XRCC4: variants seen among roughly 807,000 people sequenced by gnomAD.
XRCC4 encodes the protein X-ray repair cross complementing 4.
XRCC4 carries 28 observed loss-of-function variants against 39.1 expected under a neutral mutation model. The ratio of observed to expected loss-of-function variants is 0.72; its 90% CI spans 0.53 to 0.98. The LOEUF (loss-of-function observed/expected upper bound fraction) is 0.98. XRCC4 is among the 50% of genes least tolerant of loss of function. XRCC4 has a pLI of 0.00. For synonymous variants in XRCC4, 123 were observed against 126.4 expected, an observed-to-expected ratio of 0.97 and a Z score of 0.18; for missense variants, 350 against 376.4, an observed-to-expected ratio of 0.93 and a Z score of 0.58.
At chr5:83,326,465 A>C (rs867543828) in intron 7 of XRCC4, among the ~76,000 whole-genome samples, 1 of 152,036 alleles carries the variant, frequency 6.6e-6, no homozygotes, top group Admixed American at 6.6e-5. Context: ...TGATGTCCCT[A>C]ATTTTTTAAC....
At chr5:83,220,124 G>T (rs955637834) in intron 6 of XRCC4, among the ~76,000 whole-genome samples, 2 of 151,964 alleles carry the variant, frequency 1.3e-5, no homozygotes, top group African/African-American at 4.8e-5. Context: ...AAAGGCAAAA[G>T]GTATTGTACT....
chr5:83,165,386 A>G (rs1273094965), intron 3 of XRCC4, among the ~76,000 whole-genome samples: 1 of 152,212 alleles, frequency 6.6e-6, no homozygotes, highest in Non-Finnish European at 1.5e-5. Flanking sequence ...AGAGAATTTT[A>G]TATCTGACTG....
the XRCC4 span, among the ~76,000 whole-genome samples, chr5:83,363,400 T>C: frequency 1.3e-5 from 2 of 152,222 alleles, no homozygotes; most frequent in Admixed American, 1.3e-4. Flanking sequence ...TAAGCATCTG[T>C]GAAAGGATCT....
At chr5:83,321,981 T>A (rs1166828233) in intron 7 of XRCC4, among the ~76,000 whole-genome samples, 1 of 150,328 alleles carries the variant, frequency 6.7e-6, no homozygotes, top group Non-Finnish European at 1.5e-5. Context: ...ATCTAGTATG[T>A]ATCATTTAAA....
intron 3 of XRCC4, among the ~76,000 whole-genome samples, chr5:83,140,018 T>C (rs929103657): frequency 2.6e-5 from 4 of 152,230 alleles, no homozygotes; most frequent in Admixed American, 6.5e-5. Flanking sequence ...TAACTTTCTC[T>C]GACAGTGAAA....
chr5:83,264,905 G>T (rs537681862), intron 7 of XRCC4, among the ~76,000 whole-genome samples: 134 of 152,138 alleles, frequency 8.8e-4, no homozygotes, highest in Non-Finnish European at 1.5e-3. Context: ...TGTATGTTTT[G>T]CCAGAATTTC....
At chr5:83,209,446 A>G (rs1387335664) in intron 6 of XRCC4, among the ~76,000 whole-genome samples, 1 of 152,142 alleles carries the variant, frequency 6.6e-6, no homozygotes, top group East Asian at 1.9e-4. Flanking sequence ...TCATGCTGTG[A>G]TAACAGAATT....
chr5:83,094,762 C>T (rs1377012540), intron 1 of XRCC4, among the ~76,000 whole-genome samples: 1 of 151,806 alleles, frequency 6.6e-6, no homozygotes, highest in Non-Finnish European at 1.5e-5. Flanking sequence ...CATAGTTCAC[C>T]ATAGCTTTGA....
intron 7 of XRCC4, among the ~76,000 whole-genome samples, chr5:83,264,836 A>G (rs1753898594): frequency 6.6e-6 from 1 of 152,166 alleles, no homozygotes; most frequent in Admixed American, 6.5e-5. Context: ...GAGATATGTA[A>G]TACTTTATAT....
intron 1 of XRCC4, among the ~76,000 whole-genome samples, chr5:83,078,222 C>T (rs1011386958): frequency 6.6e-6 from 1 of 152,174 alleles, no homozygotes; most frequent in African/African-American, 2.4e-5. Context: ...TTTTAATTAT[C>T]CCATTAGGTG....
chr5:83,111,035 A>G lies in XRCC4; in HGVS notation c.147A>G (p.Glu49=). ...GHSAWTGTVS[E]SEISQEADDM... ...TGTTAATATTTCCCATAGTTTCTGA[A>G]TCAGAGATTTCCCAAGAAGCTGATG... Residue 49 remains glutamate, a synonymous_variant, in exon 3 of 8, where the codon GAA becomes GAG. Transcript: ENST00000396027. The G allele has an allele frequency of 6.2e-7, 1 of 1,605,618 alleles. No homozygotes were observed. Among genetic ancestry groups the G allele is most frequent in the Admixed American group, 1.7e-5 (1 of 57,886 alleles).
rs889624593 is a variant in XRCC4, at chr5:83,289,297, A to G, written c.893+30620A>G. Among the ~76,000 whole-genome samples, 6 of 151,868 alleles carry G rather than the reference A, an allele frequency of 4.0e-5. No individual in the cohort carries two copies. In the South Asian group the frequency reaches 1.0e-3, roughly 26 times the overall value. On this transcript the variant is annotated intron_variant, in intron 7 of 7. Coordinates refer to ENST00000396027, the MANE Select transcript of XRCC4 (RefSeq NM_003401.5). Reference sequence around the variant, plus strand: ...TGATGCTTGTTTCTACTATTAAACTATGTTTTATTCCTTGCTTTCTGGAAT... The same window carrying G: ...TGATGCTTGTTTCTACTATTAAACTGTGTTTTATTCCTTGCTTTCTGGAAT...
At chr5:83,306,015 T>C (rs1469926084) in intron 7 of XRCC4, among the ~76,000 whole-genome samples, 1 of 152,192 alleles carries the variant, frequency 6.6e-6, no homozygotes, top group East Asian at 1.9e-4. Flanking sequence ...TAAGGATATA[T>C]TTTGCAATAG....
intron 6 of XRCC4, among the ~76,000 whole-genome samples, chr5:83,258,290 A>T (rs539978765): frequency 6.6e-6 from 1 of 152,306 alleles, no homozygotes; most frequent in South Asian, 2.1e-4. Context: ...TTCACCCAGC[A>T]TCAAAGATCA....
chr5:83,181,328 A>G (rs1750197647), intron 3 of XRCC4, among the ~76,000 whole-genome samples: 1 of 152,132 alleles, frequency 6.6e-6, no homozygotes, highest in African/African-American at 2.4e-5. Flanking sequence ...TATATAGTGA[A>G]CATTTCCTTT....
At chr5:83,204,386 T>G (rs528540393) in intron 5 of XRCC4, among the ~76,000 whole-genome samples, 23 of 152,180 alleles carry the variant, frequency 1.5e-4, no homozygotes, top group African/African-American at 5.5e-4. Flanking sequence ...ACCTATTAGT[T>G]TATAGCTTTG....
At position 83,190,544 on chromosome 5, in the gene XRCC4, A is replaced by G. The variant is rs550618511; in HGVS notation, c.316-5226A>G. Among the ~76,000 whole-genome samples the G allele has an allele frequency of 3.9e-5, 6 of 152,280 alleles. No homozygotes were observed. In the East Asian group the frequency reaches 1.2e-3, roughly 29 times the overall value. ...TCCACATCTTGTTTCCCAGGATAGTAATGAACTTTAATTCTGCAAGTTTAT... is the reference window on the plus strand; with the variant it reads ...TCCACATCTTGTTTCCCAGGATAGTGATGAACTTTAATTCTGCAAGTTTAT... On this transcript the variant is annotated intron_variant, in intron 3 of 7. Coordinates refer to ENST00000396027, the MANE Select transcript of XRCC4 (RefSeq NM_003401.5).
Position 83,111,008 on chromosome 5 carries a change from T to C in XRCC4, c.140-20T>C. 1 of 1,593,888 alleles carries C rather than the reference T, an allele frequency of 6.3e-7. No homozygotes were observed. The highest frequency in any genetic ancestry group is 8.5e-7 in the Non-Finnish European group (1 of 1,173,488). ...GTCATTTACTTTTCATTTTAAAACT[T>C]TTGTTAATATTTCCCATAGTTTCTG... is the stretch of plus-strand genomic sequence containing the variant. On this transcript the variant is annotated intron_variant, in intron 2 of 7. Coordinates refer to ENST00000396027, the MANE Select transcript of XRCC4 (RefSeq NM_003401.5).
chr5:83,258,538 A>C lies in XRCC4; in HGVS notation c.754A>C (p.Ser252Arg). The C allele has an allele frequency of 6.2e-7, 1 of 1,606,082 alleles. No homozygotes were observed. Among genetic ancestry groups the C allele is most frequent in the South Asian group, 1.1e-5 (1 of 89,018 alleles). Residue 252 changes from serine to arginine, a missense_variant, in exon 7 of 8, where the codon AGT (serine) becomes CGT (arginine). Physicochemically the swap from Ser to Arg is moderately radical, Grantham distance 110. Coordinates refer to ENST00000396027, the MANE Select transcript of XRCC4 (RefSeq NM_003401.5). Reference protein sequence around the residue: ...DLSGLASAAVSKDDSIISSLD... With the variant: ...DLSGLASAAVRKDDSIISSLD... ...ATCTCATTTTATTTCAGCTGCTGTA[A>C]GTAAAGATGATTCCATTATTTCAAG...
Sources: allele counts gnomAD v4.1 joint callset (sites outside exome capture counted in the v4.1 genomes callset), GRCh38; gene constraint gnomAD v4.1.1; transcripts MANE v1.5; gene names NCBI Gene and HGNC (gene_info 2026-07-23, HGNC 2026-07-21).